Variants in ATP4A observed in about 807,000 individuals in gnomAD.
ATP4A encodes the protein ATPase H+/K+ transporting subunit alpha, also known as potassium-transporting ATPase alpha chain 1.
In ATP4A, 73 loss-of-function variants were observed where a neutral mutation model predicts 112.1. The observed-to-expected ratio is 0.65, with a 90% CI of 0.54 to 0.79. The LOEUF is 0.79. Ranked by LOEUF, ATP4A falls within the 30% of genes least tolerant of loss-of-function variation. The pLI, the probability that ATP4A is intolerant of heterozygous loss-of-function variation, is 0.00. For synonymous variants in ATP4A, 588 were observed against 588.9 expected, an observed-to-expected ratio of 1.00 and a Z score of 0.02; for missense variants, 1,081 against 1,425.9, an observed-to-expected ratio of 0.76 and a Z score of 3.90.
At chr19:35,556,878 C>T (rs1402286100) in intron 12 of ATP4A, 35 bp downstream of exon 12, 2 of 1,602,544 alleles carry the variant, frequency 1.2e-6, no homozygotes, top group African/African-American at 1.3e-5. Context: ...CATCCTCTGT[C>T]CTCACTCCAC....
rs774068365 is a variant in ATP4A at position 35,560,440 on chromosome 19, G to A, written c.710C>T (p.Thr237Ile). The change falls in exon 6 of 22, where the codon ACC becomes ATC. Residue 237 changes from threonine (T) to isoleucine (I), a missense_variant. By Grantham distance (89) the Thr-to-Ile change is moderately conservative (BLOSUM62 -1). This residue lies in a region of ATP4A where 850 missense variants were observed against 1,068.2 expected (regional missense o/e 0.80). Coordinates refer to ENST00000262623, the MANE Select transcript of ATP4A (RefSeq NM_000704.3). The surrounding 1 kb of genome is among the most constrained non-coding windows in gnomAD (Gnocchi z 5.1). ...SSLTGESEPQ[T>I]RSPECTHESP... ...CTCGTGCGTGCACTCGGGTGAGCGG[G>A]TCTGTGGCTCAGACTCCCCTGTCAG... 1.9e-6 allele frequency: 3 copies of A among 1,613,882 alleles called. No homozygotes were observed. Among genetic ancestry groups the A allele is most frequent in the Non-Finnish European group, 1.7e-6 (2 of 1,180,030 alleles).
rs1031634525 is a variant in ATP4A at position 35,560,316 on chromosome 19, C to T, written c.787+47G>A. The T allele has an allele frequency of 1.9e-6, 3 of 1,606,940 alleles. No individual in the cohort carries two copies. The African/African-American group carries it at 4.0e-5, about 21-fold the overall frequency. On this transcript the variant is annotated intron_variant, in intron 6 of 21. Coordinates refer to ENST00000262623, the MANE Select transcript of ATP4A (RefSeq NM_000704.3). This position sits in a 1 kb window ranked among gnomAD's most constrained non-coding sequence, Gnocchi z 5.1. ...TCCTAGAAGATAGCAGGAGAGAGGC[C>T]AGTGGAGGCAGCAGTTACTGGGCAG...
Position 35,563,517 on chromosome 19 carries a change from T to A in ATP4A, c.23A>T (p.Glu8Val), listed in dbSNP as rs779339914. Residue 8 changes from glutamate to valine, a missense_variant, in exon 2 of 22, where the codon GAG becomes GTG. Glu to Val is a moderately radical substitution (Grantham distance 121). Coordinates refer to ENST00000262623, the MANE Select transcript of ATP4A (RefSeq NM_000704.3). Reference sequence around the variant, plus strand: ...AGGACCCAGCTCCACCGAGTAGAGCTCATAGTTCTCCTGGGAATGGACAGG... The same window carrying A: ...AGGACCCAGCTCCACCGAGTAGAGCACATAGTTCTCCTGGGAATGGACAGG... MGKAENY[E>V]LYSVELGPGP... The A allele has an allele frequency of 1.9e-6, 3 of 1,613,826 alleles. No homozygotes were observed. Among genetic ancestry groups the A allele is most frequent in the Non-Finnish European group, 2.5e-6 (3 of 1,179,946 alleles).
chr19:35,558,536 A>G lies in ATP4A; in HGVS notation c.1366-40T>C, dbSNP rs1391579419. The G allele has an allele frequency of 1.3e-6, 2 of 1,589,818 alleles. No individual in the cohort carries two copies. The highest frequency in any genetic ancestry group is 1.1e-5 in the South Asian group (1 of 87,462). On this transcript the variant is annotated intron_variant, in intron 9 of 21. Coordinates refer to ENST00000262623, the MANE Select transcript of ATP4A (RefSeq NM_000704.3). This position sits in a 1 kb window ranked among gnomAD's most constrained non-coding sequence, Gnocchi z 5.1. ...CGGTGTCAGGGGCGAAGCCGGCTACACCAGCCTCCCGGGATTCCCTGGAGG... is the reference window on the plus strand; with the variant it reads ...CGGTGTCAGGGGCGAAGCCGGCTACGCCAGCCTCCCGGGATTCCCTGGAGG...
Position 35,551,365 on chromosome 19 carries a change from C to T in ATP4A, c.2885+82G>A, listed in dbSNP as rs1599569623. 22 of 1,598,232 alleles carry T rather than the reference C, an allele frequency of 1.4e-5. No homozygotes were observed. Among genetic ancestry groups the T allele is most frequent in the South Asian group, 8.9e-5 (8 of 90,184 alleles). On this transcript the variant is annotated intron_variant, in intron 19 of 21. Coordinates refer to ENST00000262623, the MANE Select transcript of ATP4A (RefSeq NM_000704.3). This position sits in a 1 kb window ranked among gnomAD's most constrained non-coding sequence, Gnocchi z 5.2. ...GGCACTGGCACCCGCTGGCATTTGC[C>T]GGCTGTTCTAAACCACAGTCAGGAT...
chr19:35,558,588 G>A lies in ATP4A; in HGVS notation c.1354C>T (p.Pro452Ser). The A allele has an allele frequency of 6.2e-7, 1 of 1,603,590 alleles. No homozygotes were observed. Among genetic ancestry groups the A allele is most frequent in the Non-Finnish European group, 8.5e-7 (1 of 1,176,074 alleles). The change falls in exon 9 of 22, where the codon CCT (proline) becomes TCT (serine). Residue 452 changes from proline (P) to serine (S), a missense_variant. Physicochemically the swap from Pro to Ser is moderately conservative, Grantham distance 74 (BLOSUM62 -1). Transcript: ENST00000262623. The surrounding 1 kb of genome is among the most constrained non-coding windows in gnomAD (Gnocchi z 5.1). ...AAFKSGQDAVPVPKRIVIGDA... is the reference protein window; with the variant it reads ...AAFKSGQDAVSVPKRIVIGDA... ...CCCCTGGCTCTCACCTTGGGCACAGGCACTGCATCCTGGCCGGACTTGAAG... is the reference window on the plus strand; with the variant it reads ...CCCCTGGCTCTCACCTTGGGCACAGACACTGCATCCTGGCCGGACTTGAAG...
Position 35,557,133 on chromosome 19 carries a change from T to G in ATP4A, c.1694-45A>C. The G allele has an allele frequency of 6.2e-7, 1 of 1,603,976 alleles. No individual in the cohort carries two copies. Among genetic ancestry groups the G allele is most frequent in the African/African-American group, 1.3e-5 (1 of 74,556 alleles). ...TCAGGGAAGAGCCCTGGGCACACCC[T>G]TTCTTAGCAGGGCCAGGAAATGGGT... On this transcript the variant is annotated intron_variant, in intron 11 of 21. Transcript: ENST00000262623. This position sits in a 1 kb window ranked among gnomAD's most constrained non-coding sequence, Gnocchi z 4.4.
At position 35,555,617 on chromosome 19, in the gene ATP4A, T is replaced by C; in HGVS notation, c.2007-27A>G. 1.9e-6 allele frequency: 3 copies of C among 1,577,544 alleles called. No homozygotes were observed. Among genetic ancestry groups the C allele is most frequent in the Non-Finnish European group, 2.6e-6 (3 of 1,155,042 alleles). On this transcript the variant is annotated intron_variant, in intron 13 of 21. Coordinates refer to ENST00000262623, the MANE Select transcript of ATP4A (RefSeq NM_000704.3). This position sits in a 1 kb window ranked among gnomAD's most constrained non-coding sequence, Gnocchi z 6.6. Reference sequence around the variant, plus strand: ...TGGGGAGGAGATGGGAGGACCTCGCTGGGACCTCGGTCTGTGCCAGATGTG... The same window carrying C: ...TGGGGAGGAGATGGGAGGACCTCGCCGGGACCTCGGTCTGTGCCAGATGTG...
intron 17 of ATP4A, 22 bp from the exon 18 acceptor site, chr19:35,553,204 C>A (rs1568313161): frequency 6.3e-7 from 1 of 1,580,554 alleles, no homozygotes; most frequent in African/African-American, 1.3e-5. Flanking sequence ...CAAGGGGACA[C>A]AGGGAGACAG....
In ATP4A at chr19:35,557,996, G is replaced by A. The variant is rs1460225223; in HGVS notation, c.1501-149C>T. The A allele has an allele frequency of 8.6e-6, 6 of 698,106 alleles. No individual in the cohort carries two copies. The highest frequency in any genetic ancestry group is 1.4e-5 in the Non-Finnish European group (6 of 430,846). The allele number at this position is 698,106 out of a possible 1,614,324, so 43.2% of individuals were successfully genotyped here. On this transcript the variant is annotated intron_variant, in intron 10 of 21. Transcript: ENST00000262623. The surrounding 1 kb of genome is among the most constrained non-coding windows in gnomAD (Gnocchi z 4.4). ...CGGGGAAGGGTGAAGGTGGAAGATGGAGGCCTTGTGTGGAGGGGTCCTTGG... is the reference window on the plus strand; with the variant it reads ...CGGGGAAGGGTGAAGGTGGAAGATGAAGGCCTTGTGTGGAGGGGTCCTTGG...
At position 35,550,909 on chromosome 19, in the gene ATP4A, C is replaced by T; in HGVS notation, c.3004G>A (p.Val1002Ile). 2 of 1,614,158 alleles carry T rather than the reference C, an allele frequency of 1.2e-6. No individual in the cohort carries two copies. The highest frequency in any genetic ancestry group is 2.7e-5 in the African/African-American group (2 of 75,062). The change falls in exon 21 of 22, where the codon GTC (valine) becomes ATC (isoleucine). Residue 1002 changes from valine to isoleucine, a missense_variant. By Grantham distance (29) the Val-to-Ile change is conservative (BLOSUM62 3). Coordinates refer to ENST00000262623, the MANE Select transcript of ATP4A (RefSeq NM_000704.3). This position sits in a 1 kb window ranked among gnomAD's most constrained non-coding sequence, Gnocchi z 4.1. ...ATGAGGATGCCGTAGGGCAGGGGGA[C>T]CAGCCACCACTGGAACCTGAAGGCA... ...FMPIRFQWWLVPLPYGILIFV... is the reference protein window; with the variant it reads ...FMPIRFQWWLIPLPYGILIFV...
rs145988745 is a variant in ATP4A at position 35,550,477 on chromosome 19, C to T, written c.*138G>A. ...GCAGGTCCCTCCAAGTTTGGGGTGC[C>T]GTGGGCTACAGAAGCAGATACTGGT... On this transcript the variant is annotated 3_prime_UTR_variant, in exon 22 of 22. Transcript: ENST00000262623. This position sits in a 1 kb window ranked among gnomAD's most constrained non-coding sequence, Gnocchi z 4.1. 4.8e-4 allele frequency: 566 copies of T among 1,173,286 alleles called. 1 individual carries two copies. In the African/African-American group the frequency reaches 5.9e-3, roughly 12 times the overall value. 72.7% of individuals were successfully genotyped at this position (1,173,286 alleles called of 1,614,324 possible).
intron 17 of ATP4A, 90 bp downstream of exon 17, chr19:35,553,616 C>A (rs555136469): frequency 5.9e-6 from 9 of 1,536,632 alleles, no homozygotes; most frequent in African/African-American, 2.7e-5. Flanking sequence ...AGGTCCAGAA[C>A]CAGCCGGAGC....
In ATP4A at chr19:35,560,093, C is replaced by A. The variant is rs200790332; in HGVS notation, c.788-20G>T. 2 of 1,612,160 alleles carry A rather than the reference C, an allele frequency of 1.2e-6. No homozygotes were observed. The highest frequency in any genetic ancestry group is 8.5e-7 in the Non-Finnish European group (1 of 1,178,940). The stretch of plus-strand genomic sequence containing the variant: ...CGGTGCCTGCAGGGGGGCCAAGGCG[C>A]GACTCAGGGATAGGGGGCGGCAGTG... On this transcript the variant is annotated intron_variant, in intron 6 of 21. Coordinates refer to ENST00000262623, the MANE Select transcript of ATP4A (RefSeq NM_000704.3). The surrounding 1 kb of genome is among the most constrained non-coding windows in gnomAD (Gnocchi z 5.1).
Position 35,562,448 on chromosome 19 carries a change from G to A in ATP4A, c.407C>T (p.Thr136Ile). 6.2e-7 allele frequency: 1 copy of A among 1,613,958 alleles called. No homozygotes were observed. Among genetic ancestry groups the A allele is most frequent in the Non-Finnish European group, 8.5e-7 (1 of 1,179,930 alleles). Residue 136 changes from threonine (T) to isoleucine (I), a missense_variant, in exon 4 of 22, where the codon ACC (threonine) becomes ATC (isoleucine). Thr to Ile is a moderately conservative substitution (Grantham distance 89). Transcript: ENST00000262623. ...FAIQASEGDLTTDDNLYLAIA... is the reference protein window; with the variant it reads ...FAIQASEGDLITDDNLYLAIA... Reference sequence around the variant, plus strand: ...AACATGGCTCACATTGTCGTCGGTGGTGAGGTCCCCCTCACTAGCCTGGAT... The same window carrying A: ...AACATGGCTCACATTGTCGTCGGTGATGAGGTCCCCCTCACTAGCCTGGAT...
Position 35,551,216 on chromosome 19 carries a change from G to A in ATP4A, c.2886-105C>T. The A allele has an allele frequency of 7.9e-7, 1 of 1,264,168 alleles. No homozygotes were observed. The highest frequency in any genetic ancestry group is 1.1e-6 in the Non-Finnish European group (1 of 895,386). The allele number at this position is 1,264,168 out of a possible 1,614,324, so 78.3% of individuals were successfully genotyped here. On this transcript the variant is annotated intron_variant, in intron 19 of 21. Coordinates refer to ENST00000262623, the MANE Select transcript of ATP4A (RefSeq NM_000704.3). The surrounding 1 kb of genome is among the most constrained non-coding windows in gnomAD (Gnocchi z 5.2). ...CAGATGTCAGCAGCAGCAGGGAGGTGTTCTACACACTGAACACTGGAGTGG... is the reference window on the plus strand; with the variant it reads ...CAGATGTCAGCAGCAGCAGGGAGGTATTCTACACACTGAACACTGGAGTGG...
intron 12 of ATP4A, among the ~76,000 whole-genome samples, chr19:35,556,703 T>A (rs1568314335): frequency 6.6e-6 from 1 of 152,186 alleles, no homozygotes; most frequent in Non-Finnish European, 1.5e-5. Flanking sequence ...ACAGCAGAGC[T>A]GAGACATGGA....
rs35169995 is a variant in ATP4A, at chr19:35,555,986, C to CTGCCAT, written c.1870-175_1870-174insATGGCA. 6.6e-6 allele frequency among the ~76,000 whole-genome samples: 1 copy of CTGCCAT among 151,426 alleles called. No homozygotes were observed. Among genetic ancestry groups the CTGCCAT allele is most frequent in the South Asian group, 2.1e-4 (1 of 4,832 alleles). Reference sequence around the variant, plus strand: ...GACAAAAATCCCTGTCCTTGAGGAGCTCTAGTGAGGGTGACAGAAAATAAA... The same window carrying CTGCCAT: ...GACAAAAATCCCTGTCCTTGAGGAGCTGCCATTCTAGTGAGGGTGACAGAAAATAAA... On this transcript the variant is annotated intron_variant, in intron 12 of 21. Transcript: ENST00000262623. This position sits in a 1 kb window ranked among gnomAD's most constrained non-coding sequence, Gnocchi z 6.6.
chr19:35,558,827 G>T lies in ATP4A; in HGVS notation c.1256-141C>A. On this transcript the variant is annotated intron_variant, in intron 8 of 21. Transcript: ENST00000262623. This position sits in a 1 kb window ranked among gnomAD's most constrained non-coding sequence, Gnocchi z 5.1. ...GTTCCACCCAACCCTGAGGGACCCA[G>T]CCCCCGGATGACCCTTCCCTCTAGA... The T allele has an allele frequency of 8.0e-7, 1 of 1,252,242 alleles. No individual in the cohort carries two copies. The highest frequency in any genetic ancestry group is 1.1e-6 in the Non-Finnish European group (1 of 915,042). 77.6% of individuals were successfully genotyped at this position (1,252,242 alleles called of 1,614,324 possible). A position where few individuals can be genotyped will look rare whatever the true frequency, so the allele number is the denominator to read the frequency against.
Sources: gnomAD v4.1 joint callset for allele counts (sites outside exome capture counted in the v4.1 genomes callset) on GRCh38, gnomAD v4.1.1 for gene constraint, gnomAD v4.1.1 regional missense constraint, Gnocchi (gnomAD v3.1) non-coding constraint, MANE v1.5 for transcripts, NCBI Gene and HGNC (gene_info 2026-07-23, HGNC 2026-07-21) for gene names.